Variants in LRRC52 observed in about 807,000 individuals in gnomAD.
The protein encoded by LRRC52 is leucine rich repeat containing 52, also known as leucine-rich repeat-containing protein 52.
In LRRC52, 15 loss-of-function variants were observed where a neutral mutation model predicts 14.7. The observed-to-expected ratio is 1.02, with a 90% CI of 0.68 to 1.58. The LOEUF (loss-of-function observed/expected upper bound fraction) is 1.58. Ranked by LOEUF, LRRC52 falls within the 40% of genes most tolerant of loss-of-function variation. The pLI is 0.00. For synonymous variants in LRRC52, 180 were observed against 163.9 expected (o/e 1.10, Z -0.75); for missense variants, 400 against 387.7 (o/e 1.03, Z -0.27).
intron 1 of LRRC52, among the ~76,000 whole-genome samples, chr1:165,553,240 A>G (rs920516671): frequency 2.0e-5 from 3 of 152,234 alleles, no homozygotes; most frequent in Non-Finnish European, 4.4e-5. Context: ...GTAGGACAGC[A>G]GGAGCCCCCA....
Position 165,544,257 on chromosome 1 carries a change from C to T in LRRC52, c.-40C>T, listed in dbSNP as rs1228814437. 1.9e-6 allele frequency: 3 copies of T among 1,583,602 alleles called. No homozygotes were observed. The highest frequency in any genetic ancestry group is 2.6e-6 in the Non-Finnish European group (3 of 1,164,596). On this transcript the variant is annotated 5_prime_UTR_variant, in exon 1 of 2. Coordinates refer to ENST00000294818, the MANE Select transcript of LRRC52 (RefSeq NM_001005214.4). Reference sequence around the variant, plus strand: ...CAGCCTTCGGATCAGAGGACAGAGCCCGCAGGAAGGTGAAAGGAGGGTGGT... The same window carrying T: ...CAGCCTTCGGATCAGAGGACAGAGCTCGCAGGAAGGTGAAAGGAGGGTGGT...
At chr1:165,559,828 A>G (rs1169307676) in intron 1 of LRRC52, among the ~76,000 whole-genome samples, 1 of 152,246 alleles carries the variant, frequency 6.6e-6, no homozygotes, top group Non-Finnish European at 1.5e-5. Context: ...ACATACATAC[A>G]TTTAAGAAAG....
chr1:165,556,474 A>T lies in LRRC52; in HGVS notation c.623-7031A>T, dbSNP rs116140281. 3.3e-3 allele frequency among the ~76,000 whole-genome samples: 498 copies of T among 152,358 alleles called. 4 individuals carry two copies. The highest frequency in any genetic ancestry group is 0.011 in the African/African-American group (473 of 41,578). On this transcript the variant is annotated intron_variant, in intron 1 of 1. Transcript: ENST00000294818. ...TCCTTAAGGTTTTAAGGTGCCTAGG[A>T]TGGATTAGACCAGGAGTCAGCACAC... is the stretch of plus-strand genomic sequence containing the variant.
chr1:165,558,819 GA>G (rs1157148041), intron 1 of LRRC52, among the ~76,000 whole-genome samples: 1 of 152,098 alleles, frequency 6.6e-6, no homozygotes. Flanking sequence ...TAGCTTGGAT[GA>G]AAAACAAAAC....
chr1:165,562,000 C>A (rs553038443), intron 1 of LRRC52, among the ~76,000 whole-genome samples: 12 of 152,286 alleles, frequency 7.9e-5, no homozygotes, highest in Non-Finnish European at 1.8e-4. Context: ...CCTGGGTCAC[C>A]AAGGATAGTG....
chr1:165,559,356 T>C (rs576108238), intron 1 of LRRC52, among the ~76,000 whole-genome samples: 24 of 151,662 alleles, frequency 1.6e-4, no homozygotes, highest in African/African-American at 5.8e-4. Flanking sequence ...GCCACTACAC[T>C]CCAGCCTGGG....
intron 1 of LRRC52, among the ~76,000 whole-genome samples, chr1:165,562,102 G>A (rs437919): frequency 0.98 from 148,897 of 152,352 alleles, 72,836 homozygotes; most frequent in East Asian, 1. Flanking sequence ...CTTACGCAAA[G>A]CAAGCTCACA....
intron 1 of LRRC52, among the ~76,000 whole-genome samples, chr1:165,549,674 G>A (rs2101825525): frequency 6.6e-6 from 1 of 152,336 alleles, no homozygotes; most frequent in Non-Finnish European, 1.5e-5. Flanking sequence ...AGGAAGTGGA[G>A]AGGTCTTAAA....
intron 1 of LRRC52, among the ~76,000 whole-genome samples, chr1:165,546,670 A>G (rs191889605): frequency 4.7e-4 from 71 of 152,116 alleles, no homozygotes; most frequent in African/African-American, 1.7e-3. Context: ...CCCACCCCAG[A>G]TGACAAGAGT....
intron 1 of LRRC52, among the ~76,000 whole-genome samples, chr1:165,546,554 A>T (rs1428328722): frequency 1.3e-5 from 2 of 152,088 alleles, no homozygotes; most frequent in Non-Finnish European, 2.9e-5. Flanking sequence ...TCCCCTGTCC[A>T]TGTTCCTGTA....
chr1:165,560,652 C>T (rs115633207), intron 1 of LRRC52, among the ~76,000 whole-genome samples: 193 of 152,190 alleles, frequency 1.3e-3, no homozygotes, highest in African/African-American at 4.4e-3. Context: ...CTGGAATAGA[C>T]GCATTTAGGC....
At chr1:165,555,889 C>A (rs953925731) in intron 1 of LRRC52, among the ~76,000 whole-genome samples, 1 of 152,176 alleles carries the variant, frequency 6.6e-6, no homozygotes, top group Admixed American at 6.5e-5. Flanking sequence ...TTTTTCTGAG[C>A]AGATGGGTAG....
chr1:165,550,396 G>A (rs1045481866), intron 1 of LRRC52, among the ~76,000 whole-genome samples: 11 of 152,282 alleles, frequency 7.2e-5, no homozygotes, highest in East Asian at 1.9e-4. Flanking sequence ...GTCACTAGCC[G>A]CATGTGGCCA....
intron 1 of LRRC52, among the ~76,000 whole-genome samples, chr1:165,561,987 CA>C (rs1661353310): frequency 6.6e-6 from 1 of 152,238 alleles, no homozygotes; most frequent in African/African-American, 2.4e-5. Flanking sequence ...ATTTTCCTAA[CA>C]TCCTGGGTCA....
chr1:165,555,951 A>C (rs997271465), intron 1 of LRRC52, among the ~76,000 whole-genome samples: 2 of 152,246 alleles, frequency 1.3e-5, no homozygotes, highest in African/African-American at 4.8e-5. Context: ...TAGAAGAAAA[A>C]AATTTAATTT....
chr1:165,547,602 A>G (rs1037637214), intron 1 of LRRC52, among the ~76,000 whole-genome samples: 1 of 152,148 alleles, frequency 6.6e-6, no homozygotes, highest in African/African-American at 2.4e-5. Flanking sequence ...ACAAACACAC[A>G]TGCAAACACA....
Position 165,544,207 on chromosome 1 carries a change from C to CG in LRRC52, c.-90_-89insG. 6.6e-6 allele frequency: 7 copies of CG among 1,055,942 alleles called. No individual in the cohort carries two copies. The highest frequency in any genetic ancestry group is 5.9e-5 in the African/African-American group (3 of 50,490). 65.4% of individuals were successfully genotyped at this position (1,055,942 alleles called of 1,614,324 possible). Reference sequence around the variant, plus strand: ...AGTGTTACAGTTCTTTCCAGAGCCCCTCCCCCGCCCCACCCCCCCACCGGC... The same window carrying CG: ...AGTGTTACAGTTCTTTCCAGAGCCCCGTCCCCCGCCCCACCCCCCCACCGGC... On this transcript the variant is annotated 5_prime_UTR_variant, in exon 1 of 2. Coordinates refer to ENST00000294818, the MANE Select transcript of LRRC52 (RefSeq NM_001005214.4).
At chr1:165,559,015 G>A (rs772521184) in intron 1 of LRRC52, among the ~76,000 whole-genome samples, 2 of 152,194 alleles carry the variant, frequency 1.3e-5, no homozygotes, top group Non-Finnish European at 1.5e-5. Flanking sequence ...AGAGATATTG[G>A]TCAATGATAG....
intron 1 of LRRC52, among the ~76,000 whole-genome samples, chr1:165,554,781 A>G (rs1661200273): frequency 6.6e-6 from 1 of 152,206 alleles, no homozygotes; most frequent in Non-Finnish European, 1.5e-5. Flanking sequence ...CCTCAACCCA[A>G]ATAAGAGAAT....
Sources: gnomAD v4.1 joint callset for allele counts (sites outside exome capture counted in the v4.1 genomes callset) on GRCh38, gnomAD v4.1.1 for gene constraint, MANE v1.5 for transcripts, NCBI Gene and HGNC (gene_info 2026-07-23, HGNC 2026-07-21) for gene names.